Variants in SLIT1 observed in about 807,000 individuals in gnomAD.
The protein encoded by SLIT1 is slit homolog 1 protein.
Under a neutral mutation model 186.1 loss-of-function variants are expected in SLIT1, and 66 were observed. The observed-to-expected ratio is 0.35, with a 90% CI of 0.29 to 0.44. SLIT1 has a LOEUF of 0.44. Among genes scored for constraint, SLIT1 ranks in the 20% least tolerant of loss-of-function variants. SLIT1 has a pLI of 1.00. For synonymous variants in SLIT1, 761 were observed against 833.8 expected, an observed-to-expected ratio of 0.91 and a Z score of 1.50; for missense variants, 1,638 against 2,037.4, an observed-to-expected ratio of 0.80 and a Z score of 3.77.
intron 28 of SLIT1, 127 bp from the exon 29 acceptor site, chr10:97,014,285 GC>G (rs761538981): frequency 1.9e-6 from 2 of 1,063,686 alleles, no homozygotes; most frequent in Non-Finnish European, 2.8e-6. Context: ...CTTGCCAGGT[GC>G]TGGGTAGGGT....
intron 1 of SLIT1, among the ~76,000 whole-genome samples, chr10:97,174,219 T>A (rs146076687): frequency 6.6e-6 from 1 of 152,348 alleles, no homozygotes; most frequent in Non-Finnish European, 1.5e-5. Context: ...CCCAGCTACC[T>A]GTGAGGGGAG....
At chr10:97,067,220 G>A (rs1436008354) in intron 4 of SLIT1, among the ~76,000 whole-genome samples, 1 of 152,174 alleles carries the variant, frequency 6.6e-6, no homozygotes, top group Non-Finnish European at 1.5e-5. Context: ...CCTGCTGCGA[G>A]GGGAGGGGGC....
chr10:97,158,129 A>T (rs921001961), intron 3 of SLIT1, among the ~76,000 whole-genome samples: 6 of 152,124 alleles, frequency 3.9e-5, no homozygotes, highest in African/African-American at 1.4e-4. Context: ...GCCCCTCACC[A>T]GCACCTCTCC....
intron 3 of SLIT1, among the ~76,000 whole-genome samples, chr10:97,160,632 A>C (rs1427920079): frequency 2.0e-5 from 3 of 152,204 alleles, no homozygotes; most frequent in Non-Finnish European, 4.4e-5. Context: ...GGCCAAAAAA[A>C]AGAGGAGGGG....
In SLIT1 at chr10:97,021,529, C is replaced by A; in HGVS notation, c.2583-116G>T. 2 of 855,574 alleles carry A rather than the reference C, an allele frequency of 2.3e-6. No homozygotes were observed. Among genetic ancestry groups the A allele is most frequent in the Non-Finnish European group, 3.6e-6 (2 of 558,802 alleles). 53.0% of individuals were successfully genotyped at this position (855,574 alleles called of 1,614,324 possible). A position where few individuals can be genotyped will look rare whatever the true frequency, so the allele number is the denominator to read the frequency against. On this transcript the variant is annotated intron_variant, in intron 25 of 36. Coordinates refer to ENST00000266058, the MANE Select transcript of SLIT1 (RefSeq NM_003061.3). The surrounding 1 kb of genome is among the most constrained non-coding windows in gnomAD (Gnocchi z 4.5). ...CTGGCAAAAATCTTAGCCTCCATTT[C>A]ATGAGCATTTACTGTATAGTCAGTG...
chr10:97,013,656 G>T, intron 30 of SLIT1, 85 bp downstream of exon 30: 1 of 946,306 alleles, frequency 1.1e-6, no homozygotes, highest in Non-Finnish European at 1.7e-6. Context: ...GAGGGAATGA[G>T]GGTGGGGCAC....
chr10:97,151,629 T>A (rs1849881489), intron 4 of SLIT1, among the ~76,000 whole-genome samples: 2 of 151,984 alleles, frequency 1.3e-5, no homozygotes, highest in African/African-American at 4.8e-5. Context: ...GGGTGGTATG[T>A]AAGGATGAGC....
chr10:97,176,321 C>T (rs1850255357), intron 1 of SLIT1, among the ~76,000 whole-genome samples: 1 of 152,124 alleles, frequency 6.6e-6, no homozygotes, highest in Non-Finnish European at 1.5e-5. Context: ...AAGCCACGAC[C>T]ACGACCACAG....
intron 1 of SLIT1, among the ~76,000 whole-genome samples, chr10:97,166,281 G>A (rs1209292954): frequency 6.6e-6 from 1 of 152,062 alleles, no homozygotes; most frequent in African/African-American, 2.4e-5. Flanking sequence ...TTGGGAGGCC[G>A]AGGCGGGTGG....
chr10:97,172,074 G>T (rs552884706), intron 1 of SLIT1, among the ~76,000 whole-genome samples: 3 of 150,014 alleles, frequency 2.0e-5, no homozygotes, highest in Admixed American at 2.0e-4. Context: ...CCAGTGTCTT[G>T]CTCTGTCACC....
In SLIT1 at chr10:97,172,847, T is replaced by C. The variant is rs536697502; in HGVS notation, c.198-7957A>G. ...AGGTTGAGGCTGCAATGAGCTATGATTGCACCACTGTACTACAGCCTGGGC... is the reference window on the plus strand; with the variant it reads ...AGGTTGAGGCTGCAATGAGCTATGACTGCACCACTGTACTACAGCCTGGGC... On this transcript the variant is annotated intron_variant, in intron 1 of 36. Transcript: ENST00000266058. Among the ~76,000 whole-genome samples, 12 of 151,456 alleles carry C rather than the reference T, an allele frequency of 7.9e-5. No individual in the cohort carries two copies. The South Asian group carries it at 2.5e-3, about 32-fold the overall frequency.
At chr10:97,070,234 G>A (rs1848989655) in intron 4 of SLIT1, among the ~76,000 whole-genome samples, 1 of 152,238 alleles carries the variant, frequency 6.6e-6, no homozygotes, top group South Asian at 2.1e-4. Context: ...GTTTGTTCTT[G>A]AAAGCCGCAG....
chr10:97,019,420 T>C (rs1425798596), intron 26 of SLIT1, among the ~76,000 whole-genome samples: 1 of 152,216 alleles, frequency 6.6e-6, no homozygotes, highest in Middle Eastern at 3.4e-3. Flanking sequence ...GCATGATCCA[T>C]GTAAGAAGGG....
intron 4 of SLIT1, among the ~76,000 whole-genome samples, chr10:97,110,341 G>A (rs1001143858): frequency 4.6e-5 from 7 of 152,148 alleles, no homozygotes; most frequent in Admixed American, 2.0e-4. Flanking sequence ...CACCGAAGAC[G>A]CTCTCCCAAC....
intron 22 of SLIT1, among the ~76,000 whole-genome samples, chr10:97,035,120 T>C (rs61864164): frequency 0.33 from 37,970 of 113,724 alleles, 5,025 homozygotes; most frequent in African/African-American, 0.47. Context: ...ACACAACTGA[T>C]CTCTCTTCTC....
intron 4 of SLIT1, among the ~76,000 whole-genome samples, chr10:97,101,621 G>A (rs1223310794): frequency 6.6e-6 from 1 of 152,254 alleles, no homozygotes; most frequent in African/African-American, 2.4e-5. Flanking sequence ...GCAGTCAGCA[G>A]GTTATGGGTT....
At position 96,999,561 on chromosome 10, in the gene SLIT1, GGGTGTGCCCTCTT is replaced by G. The variant is rs922114109; in HGVS notation, c.*1538_*1550del. Reference sequence around the variant, plus strand: ...CCCCGTTGCCCACCAGAACCCCCGGGGGTGTGCCCTCTTGGTGAGCCCTCTGGGGAAGGAGAGT... The same window carrying G: ...CCCCGTTGCCCACCAGAACCCCCGGGGGTGAGCCCTCTGGGGAAGGAGAGT... On this transcript the variant is annotated 3_prime_UTR_variant, in exon 37 of 37. Coordinates refer to ENST00000266058, the MANE Select transcript of SLIT1 (RefSeq NM_003061.3). 6.6e-6 allele frequency: 1 copy of G among 152,292 alleles called. No homozygotes were observed. The highest frequency in any genetic ancestry group is 1.5e-5 in the Non-Finnish European group (1 of 68,084). The allele number at this position is 152,292 out of a possible 1,614,324, so 9.4% of individuals were successfully genotyped here. A position where few individuals can be genotyped will look rare whatever the true frequency, so the allele number is the denominator to read the frequency against.
At chr10:97,158,992 G>A (rs1849990904) in intron 3 of SLIT1, among the ~76,000 whole-genome samples, 1 of 152,064 alleles carries the variant, frequency 6.6e-6, no homozygotes, top group South Asian at 2.1e-4. Context: ...GTAACAAAGA[G>A]AAATAACTAA....
At chr10:97,064,007 G>A (rs1171606466) in intron 7 of SLIT1, among the ~76,000 whole-genome samples, 161 bp downstream of exon 7, 1 of 151,992 alleles carries the variant, frequency 6.6e-6, no homozygotes, top group Non-Finnish European at 1.5e-5. Context: ...AACTCCTTCC[G>A]CCTCCGAGAG....
Sources: allele counts gnomAD v4.1 joint callset (sites outside exome capture counted in the v4.1 genomes callset), GRCh38; gene constraint gnomAD v4.1.1; non-coding constraint Gnocchi (gnomAD v3.1); transcripts MANE v1.5; gene names NCBI Gene and HGNC (gene_info 2026-07-23, HGNC 2026-07-21).